BPIFC: variants seen among roughly 807,000 people sequenced by gnomAD.
The protein encoded by BPIFC is BPI fold-containing family C protein.
BPIFC carries 60 observed loss-of-function variants against 57.6 expected under a neutral mutation model. The ratio of observed to expected loss-of-function variants is 1.04; its 90% confidence interval spans 0.85 to 1.29. The LOEUF is 1.29. Ranked by LOEUF, BPIFC falls within the 50% of genes most tolerant of loss-of-function variation. BPIFC has a pLI of 0.00. For synonymous variants in BPIFC, 243 were observed against 224.5 expected (o/e 1.08, Z -0.74); for missense variants, 581 against 600.5 (o/e 0.97, Z 0.34).
intron 3 of BPIFC, among the ~76,000 whole-genome samples, chr22:32,455,050 C>CTTTTTTTTTTTTTTTTTTTTTTTTTT (rs1392514246): frequency 7.5e-6 from 1 of 134,148 alleles, no homozygotes. Flanking sequence ...TTTTCATCTC[C>CTTTTTTTTTTTTTTTTTTTTTTTTTT]ATTTTTTTTT....
chr22:32,419,992 A>G (rs1363054062), intron 13 of BPIFC, among the ~76,000 whole-genome samples: 1 of 151,986 alleles, frequency 6.6e-6, no homozygotes, highest in Non-Finnish European at 1.5e-5. Context: ...ACGGAACTTA[A>G]TGTTGGCAAC....
chr22:32,458,281 G>T (rs905124778), intron 2 of BPIFC, among the ~76,000 whole-genome samples: 1 of 152,132 alleles, frequency 6.6e-6, no homozygotes, highest in Non-Finnish European at 1.5e-5. Flanking sequence ...TAAGTAGCCT[G>T]TACACCAGGA....
intron 2 of BPIFC, among the ~76,000 whole-genome samples, 171 bp downstream of exon 2, chr22:32,461,403 G>C (rs987549766): frequency 1.3e-5 from 2 of 152,154 alleles, no homozygotes; most frequent in Non-Finnish European, 2.9e-5. Context: ...GGAGGGTTGA[G>C]AGCTGAGGGG....
intron 10 of BPIFC, among the ~76,000 whole-genome samples, chr22:32,435,170 T>A (rs1263778194): frequency 6.6e-6 from 1 of 152,200 alleles, no homozygotes; most frequent in African/African-American, 2.4e-5. Context: ...TTATATAAAT[T>A]GAAATTACCT....
intron 13 of BPIFC, among the ~76,000 whole-genome samples, chr22:32,424,148 C>A (rs1404269261): frequency 6.6e-6 from 1 of 152,058 alleles, no homozygotes; most frequent in Non-Finnish European, 1.5e-5. Flanking sequence ...CATACAACAA[C>A]CCTATGGAGG....
At chr22:32,460,514 C>T (rs1335291912) in intron 2 of BPIFC, among the ~76,000 whole-genome samples, 2 of 152,174 alleles carry the variant, frequency 1.3e-5, no homozygotes, top group African/African-American at 4.8e-5. Context: ...GGTCAACCTG[C>T]TTACATCTCT....
intron 2 of BPIFC, among the ~76,000 whole-genome samples, chr22:32,460,353 T>C (rs765387146): frequency 5.9e-5 from 9 of 152,214 alleles, no homozygotes; most frequent in Non-Finnish European, 1.3e-4. Flanking sequence ...TGGAATTTTG[T>C]CTAGTGCACA....
In BPIFC at chr22:32,435,833, T is replaced by C. The variant is rs754668573; in HGVS notation, c.795A>G (p.Pro265=). Residue 265 remains proline (P), a synonymous_variant, in exon 10 of 17, where the codon CCA becomes CCG. Coordinates refer to ENST00000300399, the MANE Select transcript of BPIFC (RefSeq NM_174932.3). ...LENLTDPPFS[P]VPFVLPERSN... is the part of the protein sequence containing the mutation. ...TGCGTTCTGGGAGCACAAAAGGAAC[T>C]GGTGAGAAGGGGGGGTCGGTGAGGT... The C allele has an allele frequency of 1.9e-6, 3 of 1,614,046 alleles. No individual in the cohort carries two copies. Among genetic ancestry groups the C allele is most frequent in the Admixed American group, 1.7e-5 (1 of 60,006 alleles).
chr22:32,431,118 C>CT (rs531325756), intron 13 of BPIFC, among the ~76,000 whole-genome samples: 17,838 of 138,710 alleles, frequency 0.13, 1,319 homozygotes, highest in Middle Eastern at 0.19. Flanking sequence ...GTTAACGTCC[C>CT]TTTTTTTTTT....
At position 32,424,720 on chromosome 22, in the gene BPIFC, T is replaced by C. The variant is rs180968185; in HGVS notation, c.1218-5316A>G. Among the ~76,000 whole-genome samples, 63 of 94,514 alleles carry C rather than the reference T, an allele frequency of 6.7e-4. 4 individuals are homozygous for C. Among genetic ancestry groups the C allele is most frequent in the Middle Eastern group, 5.0e-3 (1 of 200 alleles). The allele number at this position is 94,514 out of a possible 152,430, so 62.0% of individuals were successfully genotyped here. On this transcript the variant is annotated intron_variant, in intron 13 of 16. Coordinates refer to ENST00000300399, the MANE Select transcript of BPIFC (RefSeq NM_174932.3). ...CTTCTTCTTCCTCTTCTTCTTCCTC[T>C]TCTTCTTCCTCTTCTTCTTCCTCTT...
chr22:32,442,293 A>C (rs1272883349), intron 8 of BPIFC, among the ~76,000 whole-genome samples: 1 of 152,196 alleles, frequency 6.6e-6, no homozygotes, highest in African/African-American at 2.4e-5. Context: ...CTAAGGTGCG[A>C]GGACTTGATG....
chr22:32,424,666 T>TCCTCCTCCTCCTCCTCCTCCTCCTCCTCC (rs1933974972), intron 13 of BPIFC, among the ~76,000 whole-genome samples: 4 of 70,856 alleles, frequency 5.6e-5, no homozygotes, highest in Non-Finnish European at 1.0e-4. Flanking sequence ...CTTCTTCTTC[T>TCCTCCTCCTCCTCCTCCTCCTCCTCCTCC]TCTTCTTCTT....
At chr22:32,447,022 A>C (rs567394834) in intron 5 of BPIFC, among the ~76,000 whole-genome samples, 190 bp downstream of exon 5, 1 of 152,218 alleles carries the variant, frequency 6.6e-6, no homozygotes, top group Admixed American at 6.5e-5. Flanking sequence ...TAAGAGAAGA[A>C]TGTTTTTCAT....
intron 13 of BPIFC, among the ~76,000 whole-genome samples, chr22:32,426,075 G>T (rs763494509): frequency 6.6e-6 from 1 of 152,188 alleles, no homozygotes; most frequent in Non-Finnish European, 1.5e-5. Flanking sequence ...CCAACACGGG[G>T]TTTGTCTCTG....
At chr22:32,456,555 C>T (rs1935044130) in intron 3 of BPIFC, among the ~76,000 whole-genome samples, 1 of 151,532 alleles carries the variant, frequency 6.6e-6, no homozygotes. Context: ...ACTAGCAGTG[C>T]TTAGGTTGAC....
At chr22:32,430,483 A>G (rs1044826339) in intron 13 of BPIFC, among the ~76,000 whole-genome samples, 10 of 148,738 alleles carry the variant, frequency 6.7e-5, no homozygotes, top group Non-Finnish European at 8.9e-5. Context: ...TATATAAAAT[A>G]AATAAAAATA....
In BPIFC at chr22:32,457,183, C is replaced by A. The variant is rs1601486521; in HGVS notation, c.124+80G>T. On this transcript the variant is annotated intron_variant, in intron 3 of 16. Coordinates refer to ENST00000300399, the MANE Select transcript of BPIFC (RefSeq NM_174932.3). ...GGCGTTTCTCAGTCAGGAGACAGCC[C>A]ATGTTATGAGCTGTTCAGTTTGGGT... 5.4e-6 allele frequency: 8 copies of A among 1,481,240 alleles called. No homozygotes were observed. In the East Asian group the frequency reaches 1.7e-4, roughly 31 times the overall value. The allele number at this position is 1,481,240 out of a possible 1,614,324, so 91.8% of individuals were successfully genotyped here.
chr22:32,421,742 T>C (rs1182655695), intron 13 of BPIFC, among the ~76,000 whole-genome samples: 1 of 152,210 alleles, frequency 6.6e-6, no homozygotes, highest in Admixed American at 6.5e-5. Context: ...ACACAACCAC[T>C]GTTCTCATGT....
chr22:32,462,417 T>C (rs1935187070), intron 1 of BPIFC, among the ~76,000 whole-genome samples: 1 of 151,856 alleles, frequency 6.6e-6, no homozygotes, highest in Admixed American at 6.6e-5. Context: ...CTACAAATGG[T>C]TAGAAAAAAA....
Sources: gnomAD v4.1 joint callset for allele counts (sites outside exome capture counted in the v4.1 genomes callset) on GRCh38, gnomAD v4.1.1 for gene constraint, MANE v1.5 for transcripts, NCBI Gene and HGNC (gene_info 2026-07-23, HGNC 2026-07-21) for gene names.